NREP: variants seen among roughly 807,000 people sequenced by gnomAD.
NREP encodes the protein neuronal regeneration related protein, also known as neuronal regeneration-related protein.
Under a neutral mutation model 8.6 loss-of-function variants are expected in NREP, and 5 were observed. That is an observed-to-expected ratio of 0.58 (90% CI 0.30 to 1.22). NREP has a LOEUF of 1.22. Among genes scored for constraint, NREP ranks in the 50% most tolerant of loss-of-function variants. The pLI, the probability that NREP is intolerant of heterozygous loss-of-function variation, is 0.07. For missense variants in NREP, 86 were observed against 82.5 expected (o/e 1.04, Z -0.17); for synonymous variants, 27 against 28.0 (o/e 0.96, Z 0.11).
upstream of NREP, among the ~76,000 whole-genome samples, chr5:111,758,424 C>G (rs1223240942): frequency 1.3e-5 from 2 of 152,226 alleles, no homozygotes; most frequent in Admixed American, 1.3e-4. Context: ...TTTGTAAACT[C>G]GTCGTTCTTA....
intron 2 of NREP, among the ~76,000 whole-genome samples, chr5:111,874,332 C>A (rs966412332): frequency 3.9e-5 from 6 of 152,180 alleles, no homozygotes; most frequent in Non-Finnish European, 7.3e-5. Context: ...ACAATTATTT[C>A]ATGAGTTCAA....
At chr5:111,951,079 A>G (rs1756146178) in intron 2 of NREP, among the ~76,000 whole-genome samples, 1 of 152,100 alleles carries the variant, frequency 6.6e-6, no homozygotes, top group Non-Finnish European at 1.5e-5. Context: ...TCTGAAGACA[A>G]TGTATATAAT....
chr5:111,827,373 C>A (rs59009248), intron 2 of NREP, among the ~76,000 whole-genome samples: 2,102 of 152,254 alleles, frequency 0.014, 45 homozygotes, highest in African/African-American at 0.041. Flanking sequence ...TTTCTTAGTT[C>A]CACTTCATTA....
rs190124775 is a variant in NREP at position 111,764,036 on chromosome 5, G to C, written c.136-28529C>G. On this transcript the variant is annotated intron_variant, in intron 2 of 3. Transcript: ENST00000395634. The stretch of plus-strand genomic sequence containing the variant: ...TCTATATGTACATATCCCCTGATAT[G>C]ATGCCATGGTTAAAACAAATTCCAT... Among the ~76,000 whole-genome samples the C allele has an allele frequency of 5.3e-4, 80 of 152,310 alleles. 1 individual carries two copies. In the East Asian group the frequency reaches 6.7e-3, roughly 13 times the overall value.
At chr5:111,860,598 C>T (rs1753523681) in intron 2 of NREP, among the ~76,000 whole-genome samples, 1 of 152,136 alleles carries the variant, frequency 6.6e-6, no homozygotes, top group East Asian at 1.9e-4. Context: ...ATAAGCTCAG[C>T]TTCCAGTTGG....
At position 111,857,963 on chromosome 5, in the gene NREP, T is replaced by TA. The variant is rs768713605; in HGVS notation, c.135+117310dup. ...GCCTGGAATCAACTCCAAAGGAGAT[T>TA]AAAAAAAAAAAAAGACCCATTCAGT... On this transcript the variant is annotated intron_variant, in intron 2 of 3. Coordinates refer to the NREP transcript ENST00000395634. Among the ~76,000 whole-genome samples the TA allele has an allele frequency of 4.3e-3, 606 of 141,058 alleles. 3 individuals carry two copies. The highest frequency in any genetic ancestry group is 3.6e-3 in the Middle Eastern group (1 of 280). 92.5% of individuals were successfully genotyped at this position (141,058 alleles called of 152,430 possible).
chr5:111,862,935 C>T (rs1453403381), intron 2 of NREP, among the ~76,000 whole-genome samples: 1 of 149,994 alleles, frequency 6.7e-6, no homozygotes, highest in East Asian at 1.9e-4. Context: ...GAGCAGGATA[C>T]TAGATCAGCT....
chr5:111,907,924 C>T (rs982866847), intron 2 of NREP, among the ~76,000 whole-genome samples: 4 of 151,928 alleles, frequency 2.6e-5, no homozygotes, highest in African/African-American at 9.7e-5. Flanking sequence ...TCAGTGCTGG[C>T]ACTTGGGCAT....
chr5:111,907,978 A>G (rs937237767), intron 2 of NREP, among the ~76,000 whole-genome samples: 9 of 152,106 alleles, frequency 5.9e-5, no homozygotes, highest in African/African-American at 2.2e-4. Flanking sequence ...TTGTTTGTAT[A>G]TAAATATAAC....
intron 2 of NREP, among the ~76,000 whole-genome samples, chr5:111,754,356 A>G (rs1482553127): frequency 6.6e-6 from 1 of 152,150 alleles, no homozygotes; most frequent in Non-Finnish European, 1.5e-5. Context: ...TAGGGTCCAT[A>G]GTCATATTTA....
At chr5:111,885,444 A>G (rs1414294412) in intron 2 of NREP, among the ~76,000 whole-genome samples, 68 of 151,972 alleles carry the variant, frequency 4.5e-4, no homozygotes, top group African/African-American at 1.6e-3. Context: ...CAAGCTACCA[A>G]TGACTTTCTT....
At chr5:111,921,943 C>G (rs1352422997) in intron 2 of NREP, among the ~76,000 whole-genome samples, 1 of 152,102 alleles carries the variant, frequency 6.6e-6, no homozygotes, top group Non-Finnish European at 1.5e-5. Context: ...GTAAGAAGTA[C>G]ATTTCACCCC....
At chr5:111,737,756 A>G (rs1460197648) in intron 2 of NREP, among the ~76,000 whole-genome samples, 1 of 151,874 alleles carries the variant, frequency 6.6e-6, no homozygotes, top group Non-Finnish European at 1.5e-5. Context: ...AAAAAAGCCA[A>G]TGACTTTTGC....
At chr5:111,737,742 CA>C (rs11378359) in intron 2 of NREP, among the ~76,000 whole-genome samples, 4 of 142,784 alleles carry the variant, frequency 2.8e-5, no homozygotes, top group African/African-American at 5.2e-5. Flanking sequence ...AAAACAAAAA[CA>C]AAAAAAAAGC....
chr5:111,910,158 C>T (rs1754873356), intron 2 of NREP, among the ~76,000 whole-genome samples: 1 of 151,974 alleles, frequency 6.6e-6, no homozygotes, highest in African/African-American at 2.4e-5. Context: ...CCACATTTAC[C>T]CTGATTATAT....
At position 111,730,289 on chromosome 5, in the gene NREP, T is replaced by G. The variant is rs956506749; in HGVS notation, c.*632A>C. The G allele has an allele frequency of 1.3e-5, 2 of 152,392 alleles. No homozygotes were observed. The highest frequency in any genetic ancestry group is 6.6e-5 in the Admixed American group (1 of 15,234). The allele number at this position is 152,392 out of a possible 1,614,324, so 9.4% of individuals were successfully genotyped here. A position where few individuals can be genotyped will look rare whatever the true frequency, so the allele number is the denominator to read the frequency against. On this transcript the variant is annotated 3_prime_UTR_variant, in exon 4 of 4. Coordinates refer to ENST00000257435, the MANE Select transcript of NREP (RefSeq NM_004772.4). ...TCAGGGAAACAGAGTACCAACACCT[T>G]CTTAGAACATGGAAATAAAAAATAA...
At chr5:111,854,111 T>G (rs1424237476) in intron 2 of NREP, among the ~76,000 whole-genome samples, 2 of 152,026 alleles carry the variant, frequency 1.3e-5, no homozygotes, top group Non-Finnish European at 2.9e-5. Context: ...AAAGAAGAAT[T>G]AAAAACAAAA....
At chr5:111,889,813 G>A (rs1754350827) in intron 2 of NREP, among the ~76,000 whole-genome samples, 1 of 152,112 alleles carries the variant, frequency 6.6e-6, no homozygotes, top group Non-Finnish European at 1.5e-5. Flanking sequence ...ATGGGGTGGG[G>A]CAGTTTCATA....
intron 3 of NREP, chr5:111,733,171 G>A (rs1265494542): frequency 6.6e-6 from 1 of 152,148 alleles, no homozygotes; most frequent in Non-Finnish European, 1.5e-5. Flanking sequence ...TTCATTTTCT[G>A]AGTGCCTACT....
Sources: gnomAD v4.1 joint callset for allele counts (sites outside exome capture counted in the v4.1 genomes callset) on GRCh38, gnomAD v4.1.1 for gene constraint, MANE v1.5 for transcripts, NCBI Gene and HGNC (gene_info 2026-07-23, HGNC 2026-07-21) for gene names.